Variants in UNC79 observed in about 807,000 individuals in gnomAD.
The protein encoded by UNC79 is protein unc-79 homolog.
UNC79 carries 37 observed loss-of-function variants against 283.1 expected under a neutral mutation model. That is an observed-to-expected ratio of 0.13 (90% CI 0.10 to 0.17). The LOEUF is 0.17. Ranked by LOEUF, UNC79 falls within the 10% of genes least tolerant of loss-of-function variation. UNC79 has a pLI of 1.00. For missense variants in UNC79, 2,272 were observed against 3,211.1 expected (o/e 0.71, Z 7.07); for synonymous variants, 1,107 against 1,200.2 (o/e 0.92, Z 1.61).
intron 39 of UNC79, among the ~76,000 whole-genome samples, chr14:93,659,864 T>C (rs2071349518): frequency 6.6e-6 from 1 of 152,268 alleles, no homozygotes; most frequent in Non-Finnish European, 1.5e-5. Context: ...AAATGTTTTA[T>C]GCCCTTGCTG....
chr14:93,546,050 T>A (rs551163372), intron 14 of UNC79, among the ~76,000 whole-genome samples: 1 of 152,144 alleles, frequency 6.6e-6, no homozygotes, highest in Non-Finnish European at 1.5e-5. Context: ...GCCATGGGTG[T>A]CAGACATGCA....
rs74948633 is a variant in UNC79 at position 93,653,520 on chromosome 14, A to T, written c.6084-222A>T. ...TTCCTGAGTCCATTGTGGGACCTGG[A>T]ATACGTCTGAGACTACACTGGCATT... On this transcript the variant is annotated intron_variant, in intron 35 of 48. Transcript: ENST00000555664. Among the ~76,000 whole-genome samples the T allele has an allele frequency of 8.1e-3, 1,226 of 151,888 alleles. 9 individuals are homozygous for T. Among genetic ancestry groups the T allele is most frequent in the Middle Eastern group, 0.044 (13 of 294 alleles).
intron 1 of UNC79, among the ~76,000 whole-genome samples, chr14:93,404,351 A>T (rs1411689779): frequency 1.3e-5 from 2 of 149,514 alleles, no homozygotes; most frequent in African/African-American, 4.9e-5. Context: ...TTAGCCAGGC[A>T]TGATGGCATG....
chr14:93,575,024 T>C, intron 16 of UNC79, 34 bp from the exon 17 acceptor site: 2 of 1,571,666 alleles, frequency 1.3e-6, no homozygotes, highest in Non-Finnish European at 1.7e-6. Flanking sequence ...AATTTACATG[T>C]GTTTTTTGGG....
rs1430237997 is a variant in UNC79 at position 93,688,020 on chromosome 14, T to C, written c.6910-645T>C. Among the ~76,000 whole-genome samples the C allele has an allele frequency of 1.3e-5, 2 of 152,134 alleles. No individual in the cohort carries two copies. Among genetic ancestry groups the C allele is most frequent in the Non-Finnish European group, 2.9e-5 (2 of 68,012 alleles). ...GGTCTAGAACCTAGGTCTCAATGCC[T>C]AGTTCAGTGCCCTTCCCACTGAGCT... On this transcript the variant is annotated intron_variant, in intron 43 of 48. Transcript: ENST00000555664. The surrounding 1 kb of genome is among the most constrained non-coding windows in gnomAD (Gnocchi z 4.0).
intron 35 of UNC79, among the ~76,000 whole-genome samples, chr14:93,648,166 G>A (rs1362905138): frequency 6.6e-6 from 1 of 152,234 alleles, no homozygotes; most frequent in African/African-American, 2.4e-5. Flanking sequence ...CAAGCCAGAT[G>A]AATGAGCTCT....
intron 1 of UNC79, among the ~76,000 whole-genome samples, chr14:93,336,876 G>A (rs941136098): frequency 3.9e-5 from 6 of 152,084 alleles, no homozygotes; most frequent in Admixed American, 6.5e-5. Flanking sequence ...GTAATCGCCA[G>A]TGTTGGAAGT....
At chr14:93,594,719 C>T (rs1235268948) in intron 23 of UNC79, among the ~76,000 whole-genome samples, 1 of 152,000 alleles carries the variant, frequency 6.6e-6, no homozygotes, top group Non-Finnish European at 1.5e-5. Flanking sequence ...AGGAAGGAAC[C>T]TGGGAGGGTT....
At chr14:93,645,427 AG>A (rs2069494823) in intron 34 of UNC79, among the ~76,000 whole-genome samples, 2 of 152,226 alleles carry the variant, frequency 1.3e-5, no homozygotes, top group Admixed American at 6.5e-5. Flanking sequence ...CACAATTCTT[AG>A]CAACCTAAGC....
intron 1 of UNC79, among the ~76,000 whole-genome samples, chr14:93,402,046 C>T (rs1350628777): frequency 1.3e-5 from 2 of 151,790 alleles, no homozygotes; most frequent in Admixed American, 6.6e-5. Flanking sequence ...GGGAGGCCAA[C>T]GTGGGCGGAT....
chr14:93,515,264 ATGTG>A lies in UNC79; in HGVS notation c.899-8690_899-8687del, dbSNP rs3060596. Among the ~76,000 whole-genome samples, 192 of 149,260 alleles carry A rather than the reference ATGTG, an allele frequency of 1.3e-3. 1 individual carries two copies. Among genetic ancestry groups the A allele is most frequent in the Non-Finnish European group, 1.8e-3 (120 of 67,112 alleles). ...GAATTTCCATTTGGTCCATATGTATATGTGTGTGTGTGTGTGTGTGTGTGTGTAT... is the reference window on the plus strand; with the variant it reads ...GAATTTCCATTTGGTCCATATGTATATGTGTGTGTGTGTGTGTGTGTGTAT... On this transcript the variant is annotated intron_variant, in intron 7 of 48. Transcript: ENST00000555664.
At chr14:93,559,292 T>G (rs186850595) in intron 14 of UNC79, among the ~76,000 whole-genome samples, 1 of 152,400 alleles carries the variant, frequency 6.6e-6, no homozygotes, top group Non-Finnish European at 1.5e-5. Flanking sequence ...TATGAGTGGT[T>G]GAGGTATGGC....
intron 1 of UNC79, among the ~76,000 whole-genome samples, chr14:93,442,588 T>C (rs2056337620): frequency 6.6e-6 from 1 of 152,224 alleles, no homozygotes; most frequent in Admixed American, 6.5e-5. Flanking sequence ...AACTTATTCA[T>C]TATAAGTACA....
intron 1 of UNC79, among the ~76,000 whole-genome samples, chr14:93,421,771 T>A (rs2055604942): frequency 1.0e-5 from 1 of 96,052 alleles, no homozygotes. Context: ...ATGTAGGAGA[T>A]AGCTTAAAAA....
rs997258504 is a variant in UNC79, at chr14:93,588,791, A to G, written c.3032+1883A>G. On this transcript the variant is annotated intron_variant, in intron 22 of 48. Coordinates refer to ENST00000555664, the Ensembl canonical transcript of UNC79. ...AGAGAGAGAAAATCCGAACATATTT[A>G]TGGTCAGTGGGAAAGGGCCAGAGAA... 3.3e-5 allele frequency among the ~76,000 whole-genome samples: 5 copies of G among 149,574 alleles called. No individual in the cohort carries two copies. In the East Asian group the frequency reaches 5.9e-4, roughly 18 times the overall value.
chr14:93,612,242 A>C (rs913378167), intron 26 of UNC79, among the ~76,000 whole-genome samples: 9 of 152,186 alleles, frequency 5.9e-5, no homozygotes, highest in African/African-American at 2.2e-4. Context: ...TGGCTATTTC[A>C]TTTAAAGAGT....
intron 1 of UNC79, among the ~76,000 whole-genome samples, chr14:93,393,476 CA>C (rs2054927004): frequency 6.6e-6 from 1 of 151,976 alleles, no homozygotes; most frequent in Admixed American, 6.6e-5. Flanking sequence ...GAAATTGAGC[CA>C]AATGACATAG....
At chr14:93,653,244 C>T (rs1030549887) in intron 35 of UNC79, among the ~76,000 whole-genome samples, 2 of 151,962 alleles carry the variant, frequency 1.3e-5, no homozygotes, top group African/African-American at 2.4e-5. Flanking sequence ...CAAAGTCCAG[C>T]CTTTTTACAA....
At chr14:93,573,338 G>A (rs1231205175) in intron 16 of UNC79, among the ~76,000 whole-genome samples, 2 of 152,110 alleles carry the variant, frequency 1.3e-5, no homozygotes, top group Non-Finnish European at 2.9e-5. Flanking sequence ...TGTGAATTTG[G>A]TTCTATTTCT....
Sources: allele counts gnomAD v4.1 joint callset (sites outside exome capture counted in the v4.1 genomes callset), GRCh38; gene constraint gnomAD v4.1.1; non-coding constraint Gnocchi (gnomAD v3.1); transcripts MANE v1.5; gene names NCBI Gene and HGNC (gene_info 2026-07-23, HGNC 2026-07-21).